NTNG2: variants seen among roughly 807,000 people sequenced by gnomAD.
NTNG2 encodes netrin G2, also known as netrin-G2.
A neutral mutation model predicts 47.6 loss-of-function variants in NTNG2; 15 were observed. The ratio of observed to expected loss-of-function variants is 0.32; its 90% CI spans 0.21 to 0.49. The LOEUF is 0.49. Among genes scored for constraint, NTNG2 ranks in the 20% least tolerant of loss-of-function variants. The pLI is 0.99. For missense variants in NTNG2, 578 were observed against 764.6 expected, an observed-to-expected ratio of 0.76 and a Z score of 2.88; for synonymous variants, 307 against 324.6, an observed-to-expected ratio of 0.95 and a Z score of 0.58.
intron 2 of NTNG2, among the ~76,000 whole-genome samples, chr9:132,169,714 C>A (rs138742165): frequency 6.6e-6 from 1 of 152,222 alleles, no homozygotes. Flanking sequence ...ACGGTGCTGG[C>A]GGGACGGCAC....
chr9:132,242,157 G>A lies in NTNG2; in HGVS notation c.*46G>A, dbSNP rs1406258158. 1 of 978,596 alleles carries A rather than the reference G, an allele frequency of 1.0e-6. No individual in the cohort carries two copies. 60.6% of individuals were successfully genotyped at this position (978,596 alleles called of 1,614,324 possible). On this transcript the variant is annotated 3_prime_UTR_variant, in exon 8 of 8. Coordinates refer to ENST00000393229, the MANE Select transcript of NTNG2 (RefSeq NM_032536.4). This position sits in a 1 kb window ranked among gnomAD's most constrained non-coding sequence, Gnocchi z 5.9. ...CCCGCACCCGGAGGCCGGGGGTCCC[G>A]GGGTCCCGGGGCGGGGCCGGCGTCC...
intron 2 of NTNG2, among the ~76,000 whole-genome samples, chr9:132,167,745 G>A (rs1034045380): frequency 3.9e-5 from 6 of 152,176 alleles, no homozygotes; most frequent in African/African-American, 1.4e-4. Flanking sequence ...GGGGCACGGA[G>A]TACTTCAGTA....
intron 2 of NTNG2, among the ~76,000 whole-genome samples, chr9:132,175,731 C>T (rs1027411481): frequency 5.9e-5 from 9 of 152,206 alleles, no homozygotes; most frequent in East Asian, 3.8e-4. Context: ...GTGAATGCCA[C>T]CGGGAGTCAG....
rs534072868 is a variant in NTNG2, at chr9:132,208,458, G to A, written c.857+9849G>A. Reference sequence around the variant, plus strand: ...GTGTTTGGAAATCTGAGTTGGGGGTGGCGGTGCTGGAGGCCTGCAGGAGAC... The same window carrying A: ...GTGTTTGGAAATCTGAGTTGGGGGTAGCGGTGCTGGAGGCCTGCAGGAGAC... On this transcript the variant is annotated intron_variant, in intron 3 of 7. Coordinates refer to ENST00000393229, the MANE Select transcript of NTNG2 (RefSeq NM_032536.4). This position sits in a 1 kb window ranked among gnomAD's most constrained non-coding sequence, Gnocchi z 4.0. 6.6e-6 allele frequency among the ~76,000 whole-genome samples: 1 copy of A among 152,316 alleles called. No homozygotes were observed. The highest frequency in any genetic ancestry group is 1.9e-4 in the East Asian group (1 of 5,178).
At chr9:132,203,822 G>A (rs1838966372) in intron 3 of NTNG2, among the ~76,000 whole-genome samples, 1 of 152,182 alleles carries the variant, frequency 6.6e-6, no homozygotes, top group South Asian at 2.1e-4. Context: ...AGGGAAGGGG[G>A]CATCATCCCA....
At chr9:132,161,981 GCGGCCCCCTCCCC>G (rs1165713842), upstream of NTNG2, 1 of 150,120 alleles carries the variant, frequency 6.7e-6, no homozygotes, top group Non-Finnish European at 1.5e-5. This position sits in a 1 kb window ranked among gnomAD's most constrained non-coding sequence, Gnocchi z 7.2. Flanking sequence ...GGCGGCGCGG[GCGGCCCCCTCCCC>G]CGGCCCGCGT....
rs113823130 is a variant in NTNG2 at position 132,236,171 on chromosome 9, G to T, written c.1055-2933G>T. 6.6e-6 allele frequency among the ~76,000 whole-genome samples: 1 copy of T among 152,176 alleles called. No individual in the cohort carries two copies. Among genetic ancestry groups the T allele is most frequent in the Non-Finnish European group, 1.5e-5 (1 of 68,034 alleles). On this transcript the variant is annotated intron_variant, in intron 5 of 7. Coordinates refer to ENST00000393229, the MANE Select transcript of NTNG2 (RefSeq NM_032536.4). This position sits in a 1 kb window ranked among gnomAD's most constrained non-coding sequence, Gnocchi z 4.3. ...GAGCGGGGGCCATGAGACCTCGGAG[G>T]GTGGACTGTGGTGGGTGAAGGGAGA...
At position 132,236,090 on chromosome 9, in the gene NTNG2, C is replaced by T. The variant is rs1483732667; in HGVS notation, c.1055-3014C>T. 6.6e-6 allele frequency among the ~76,000 whole-genome samples: 1 copy of T among 152,262 alleles called. No homozygotes were observed. The highest frequency in any genetic ancestry group is 1.5e-5 in the Non-Finnish European group (1 of 68,044). ...GAACCCCCCTCTCCAGCTGCCCTTG[C>T]TCACAGGACACCTGGGCAGTTGCTG... On this transcript the variant is annotated intron_variant, in intron 5 of 7. Coordinates refer to ENST00000393229, the MANE Select transcript of NTNG2 (RefSeq NM_032536.4). This position sits in a 1 kb window ranked among gnomAD's most constrained non-coding sequence, Gnocchi z 4.3.
intron 3 of NTNG2, among the ~76,000 whole-genome samples, chr9:132,216,414 C>CTCTCTCTCTCTCTG (rs1554790515): frequency 1.3e-4 from 14 of 110,334 alleles, no homozygotes; most frequent in African/African-American, 3.4e-4. Context: ...CTCTCTCTCT[C>CTCTCTCTCTCTCTG]TGTGTGTGTG....
chr9:132,185,881 G>C (rs1022381675), intron 2 of NTNG2, among the ~76,000 whole-genome samples: 2 of 148,758 alleles, frequency 1.3e-5, no homozygotes, highest in African/African-American at 5.1e-5. Context: ...GGAGTGGGAG[G>C]AGGAGGAGGA....
At chr9:132,189,018 A>G (rs1038392808) in intron 2 of NTNG2, among the ~76,000 whole-genome samples, 5 of 149,220 alleles carry the variant, frequency 3.4e-5, no homozygotes, top group Non-Finnish European at 3.0e-5. Context: ...CCACCAAAGC[A>G]TACCAGTGGA....
intron 2 of NTNG2, among the ~76,000 whole-genome samples, chr9:132,170,117 G>A (rs775608030): frequency 3.3e-4 from 50 of 152,312 alleles, no homozygotes; most frequent in Middle Eastern, 6.8e-3. Flanking sequence ...GCGCAAGCCC[G>A]GCTGCACTCC....
rs560717158 is a variant in NTNG2 at position 132,208,634 on chromosome 9, A to G, written c.857+10025A>G. ...GTGGGAGGCATCATGGAGGACTCCC[A>G]GGCATCTGGCTTTGAGACACTGGGT... On this transcript the variant is annotated intron_variant, in intron 3 of 7. Transcript: ENST00000393229. This position sits in a 1 kb window ranked among gnomAD's most constrained non-coding sequence, Gnocchi z 4.0. Among the ~76,000 whole-genome samples, 1 of 152,282 alleles carries G rather than the reference A, an allele frequency of 6.6e-6. No individual in the cohort carries two copies. The highest frequency in any genetic ancestry group is 1.5e-5 in the Non-Finnish European group (1 of 68,014).
intron 7 of NTNG2, chr9:132,241,312 G>A: frequency 1.9e-6 from 1 of 518,674 alleles, no homozygotes; most frequent in Non-Finnish European, 3.4e-6. Context: ...TGGTGAGATG[G>A]GGCCGACCCG....
rs1214119018 is a variant in NTNG2 at position 132,243,919 on chromosome 9, C to G, written c.*1808C>G. 3.3e-5 allele frequency: 5 copies of G among 152,550 alleles called. No individual in the cohort carries two copies. Among genetic ancestry groups the G allele is most frequent in the African/African-American group, 1.2e-4 (5 of 41,460 alleles). The allele number at this position is 152,550 out of a possible 1,614,324, so 9.4% of individuals were successfully genotyped here. ...CGGAAGTGCCTTCCGACAGGCCCTG[C>G]ATCCTCCTGCAGCTGGCCCATCTCT... On this transcript the variant is annotated 3_prime_UTR_variant, in exon 8 of 8. Transcript: ENST00000393229.
At chr9:132,239,379 C>T in intron 6 of NTNG2, 108 bp downstream of exon 6, 1 of 1,069,868 alleles carries the variant, frequency 9.3e-7, no homozygotes, top group South Asian at 1.4e-5. Flanking sequence ...CCTGGGGAGA[C>T]TGTGGGAATT....
At chr9:132,189,095 T>TTTTTTTTTTTTTTTTTTC (rs1837655604) in intron 2 of NTNG2, among the ~76,000 whole-genome samples, 1 of 139,644 alleles carries the variant, frequency 7.2e-6, no homozygotes, top group Non-Finnish European at 1.5e-5. Flanking sequence ...TTTTTTTTTT[T>TTTTTTTTTTTTTTTTTTC]AGACAGGGTC....
intron 2 of NTNG2, among the ~76,000 whole-genome samples, chr9:132,173,515 C>G (rs1564383530): frequency 6.6e-6 from 1 of 152,248 alleles, no homozygotes; most frequent in East Asian, 1.9e-4. Flanking sequence ...CGCATCCCCA[C>G]CTTCCCAGGC....
At chr9:132,196,082 C>T (rs1469474675) in intron 2 of NTNG2, among the ~76,000 whole-genome samples, 2 of 152,018 alleles carry the variant, frequency 1.3e-5, no homozygotes, top group Non-Finnish European at 2.9e-5. Flanking sequence ...GTCTGATGAA[C>T]CATTGTTGAT....
Sources: gnomAD v4.1 joint callset for allele counts (sites outside exome capture counted in the v4.1 genomes callset) on GRCh38, gnomAD v4.1.1 for gene constraint, Gnocchi (gnomAD v3.1) non-coding constraint, MANE v1.5 for transcripts, NCBI Gene and HGNC (gene_info 2026-07-23, HGNC 2026-07-21) for gene names.